The following ABLIM1 variants were observed in gnomAD, a reference collection of about 807,000 sequenced individuals.
ABLIM1 encodes the protein actin binding LIM protein 1.
ABLIM1 carries 40 observed loss-of-function variants against 107.0 expected under a neutral mutation model. The observed-to-expected ratio is 0.37, with a 90% confidence interval of 0.29 to 0.49. The LOEUF (loss-of-function observed/expected upper bound fraction) is 0.49. ABLIM1 is among the 20% of genes least tolerant of loss of function. The pLI is 0.97. For synonymous variants in ABLIM1, 357 were observed against 357.3 expected (o/e 1.00, Z 0.01); for missense variants, 857 against 1,008.5 (o/e 0.85, Z 2.04).
intron 1 of ABLIM1, among the ~76,000 whole-genome samples, chr10:114,758,433 A>C (rs923018445): frequency 2.0e-5 from 3 of 152,194 alleles, no homozygotes; most frequent in Admixed American, 6.5e-5. Flanking sequence ...AAGTGATTCA[A>C]AATAAAGATT....
intron 4 of ABLIM1, among the ~76,000 whole-genome samples, chr10:114,548,573 G>A (rs1385461617): frequency 6.6e-6 from 1 of 152,214 alleles, no homozygotes; most frequent in East Asian, 1.9e-4. Flanking sequence ...AGATTTAGCA[G>A]TAGATGGCAC....
intron 1 of ABLIM1, among the ~76,000 whole-genome samples, chr10:114,753,129 G>A (rs1271790912): frequency 1.3e-5 from 2 of 152,054 alleles, no homozygotes; most frequent in African/African-American, 2.4e-5. Flanking sequence ...TTTTTTCTCT[G>A]GTATAGAAAT....
At chr10:114,610,557 T>C (rs1003436851) in intron 1 of ABLIM1, 3 of 152,334 alleles carry the variant, frequency 2.0e-5, no homozygotes, top group East Asian at 1.9e-4. Context: ...AGACCGGCAC[T>C]AGTATGGAGC....
chr10:114,592,366 C>T (rs981678192), intron 2 of ABLIM1, among the ~76,000 whole-genome samples: 4 of 152,050 alleles, frequency 2.6e-5, no homozygotes, highest in Admixed American at 6.6e-5. Flanking sequence ...TGTTTAAGAA[C>T]GTTCAGGAAG....
chr10:114,769,172 GAAAAAAAAAAAA>G (rs35691537), upstream of ABLIM1, among the ~76,000 whole-genome samples: 1 of 46,520 alleles, frequency 2.1e-5, no homozygotes, highest in Admixed American at 4.2e-4. Context: ...TGTCTTCAAT[GAAAAAAAAAAAA>G]AAAAAAAAAA....
chr10:114,490,550 C>T (rs979560072), intron 7 of ABLIM1, among the ~76,000 whole-genome samples: 5 of 152,156 alleles, frequency 3.3e-5, no homozygotes, highest in African/African-American at 9.7e-5. Context: ...ATTACCACAA[C>T]GGAACGAGCA....
At position 114,475,322 on chromosome 10, in the gene ABLIM1, G is replaced by A. The variant is rs146507885; in HGVS notation, c.1042-1366C>T. 8.6e-4 allele frequency among the ~76,000 whole-genome samples: 131 copies of A among 152,252 alleles called. No individual in the cohort carries two copies. The East Asian group carries it at 0.013, about 15-fold the overall frequency. The stretch of plus-strand genomic sequence containing the variant: ...GGCTTAAATATCACCTCCTCAGAGA[G>A]GACCTCCCTGATTCAATCCAGAGTT... On this transcript the variant is annotated intron_variant, in intron 8 of 22. Transcript: ENST00000533213.
intron 10 of ABLIM1, among the ~76,000 whole-genome samples, chr10:114,471,447 T>C (rs1274839162): frequency 6.6e-6 from 1 of 152,180 alleles, no homozygotes; most frequent in East Asian, 1.9e-4. Flanking sequence ...CCCTCGCCTC[T>C]TATGCCCTAC....
chr10:114,506,431 T>C (rs953761629), intron 6 of ABLIM1, among the ~76,000 whole-genome samples: 3 of 152,234 alleles, frequency 2.0e-5, no homozygotes, highest in African/African-American at 4.8e-5. Context: ...CTTTAAGGAA[T>C]CTACATGCTG....
intron 1 of ABLIM1, among the ~76,000 whole-genome samples, chr10:114,641,933 A>T (rs1347898059): frequency 6.6e-6 from 1 of 151,140 alleles, no homozygotes; most frequent in Non-Finnish European, 1.5e-5. Flanking sequence ...CCCAGGCCAG[A>T]GTGCAGTGGC....
rs7091419 is a variant in ABLIM1, at chr10:114,444,053, G to C, written c.1909C>G (p.Arg637Gly). The change falls in exon 17 of 23, where the codon CGC becomes GGC. Residue 637 changes from arginine (R) to glycine (G), a missense_variant. Physicochemically the swap from Arg to Gly is moderately radical, Grantham distance 125. Transcript: ENST00000533213. ...SRERSSLLAS[R>G]YDSPINSASH... is the part of the protein sequence containing the mutation. ...CCTGAGTTGATGGGAGAATCGTAGC[G>C]ACTGGCTAACAGAGATGACCTTTCC... is the stretch of plus-strand genomic sequence containing the variant. The C allele has an allele frequency of 7.8e-4, 1,262 of 1,611,014 alleles. 7 individuals are homozygous for C. The African/African-American group carries it at 0.016, about 20-fold the overall frequency.
At chr10:114,615,614 C>A in intron 1 of ABLIM1, 1 of 456,566 alleles carries the variant, frequency 2.2e-6, no homozygotes, top group Non-Finnish European at 4.4e-6. Context: ...TCTATAAATG[C>A]ATGTTCAATA....
At chr10:114,784,690 G>GA in the ABLIM1 span, among the ~76,000 whole-genome samples, 354 of 118,184 alleles carry the variant, frequency 3.0e-3, 1 homozygote, top group Middle Eastern at 0.014. Context: ...AAAAGAAAAA[G>GA]AAAAAAAAAA....
At chr10:114,737,707 G>T (rs2142239761) in intron 1 of ABLIM1, among the ~76,000 whole-genome samples, 2 of 152,262 alleles carry the variant, frequency 1.3e-5, no homozygotes, top group South Asian at 4.2e-4. Context: ...ACCTAGTAAA[G>T]AAATCTCTTA....
At chr10:114,539,387 A>G (rs56086836) in intron 6 of ABLIM1, among the ~76,000 whole-genome samples, 36,437 of 152,036 alleles carry the variant, frequency 0.24, 4,650 homozygotes, top group East Asian at 0.33. Context: ...AAAGAGGTAT[A>G]GGAAGTATTA....
intron 2 of ABLIM1, among the ~76,000 whole-genome samples, chr10:114,578,312 AT>A (rs1387944592): frequency 2.3e-4 from 35 of 151,998 alleles, no homozygotes; most frequent in Non-Finnish European, 1.6e-4. Context: ...GCCATCCCCC[AT>A]AAAACCTTCT....
At chr10:114,630,565 T>C (rs2078109318) in intron 1 of ABLIM1, among the ~76,000 whole-genome samples, 1 of 152,250 alleles carries the variant, frequency 6.6e-6, no homozygotes, top group Non-Finnish European at 1.5e-5. Flanking sequence ...GTGCAGCCTT[T>C]ACACTGTTAA....
chr10:114,689,799 A>G (rs188943663), upstream of ABLIM1, among the ~76,000 whole-genome samples: 25 of 151,956 alleles, frequency 1.6e-4, no homozygotes, highest in East Asian at 4.1e-3. Flanking sequence ...GACTCTCTAC[A>G]TTCAACAATA....
chr10:114,653,373 C>T (rs1365165086), intron 1 of ABLIM1, among the ~76,000 whole-genome samples: 1 of 123,752 alleles, frequency 8.1e-6, no homozygotes, highest in African/African-American at 2.5e-5. Context: ...GAGACCCTGT[C>T]TCTAAAAAAA....
Sources: allele counts gnomAD v4.1 joint callset (sites outside exome capture counted in the v4.1 genomes callset), GRCh38; gene constraint gnomAD v4.1.1; transcripts MANE v1.5; gene names NCBI Gene and HGNC (gene_info 2026-07-23, HGNC 2026-07-21).